The following GRM1 variants were observed in gnomAD, a reference collection of about 807,000 sequenced individuals.
GRM1 encodes metabotropic glutamate receptor 1.
GRM1 carries 33 observed loss-of-function variants against 90.9 expected under a neutral mutation model. The observed-to-expected ratio is 0.36, with a 90% CI of 0.28 to 0.49. GRM1 has a LOEUF of 0.49. Ranked by LOEUF, GRM1 falls within the 20% of genes least tolerant of loss-of-function variation. The pLI, the probability that GRM1 is intolerant of heterozygous loss-of-function variation, is 0.99. For synonymous variants in GRM1, 700 were observed against 613.2 expected (o/e 1.14, Z -2.09); for missense variants, 1,190 against 1,534.3 (o/e 0.78, Z 3.75).
Position 146,357,620 on chromosome 6 carries a change from TA to T in GRM1, c.1529del (p.Tyr510SerfsTer5). ...TGAAGGAGTGCTGAACATTGATGATTACAAAATCCAGATGAACAAGAGTGGA... is the reference window on the plus strand; with the variant it reads ...TGAAGGAGTGCTGAACATTGATGATTCAAAATCCAGATGAACAAGAGTGGA... ...WHEGVLNIDD[Y>X]KIQMNKSGVV... On this transcript the variant is annotated frameshift_variant, in exon 5 of 8. Coordinates refer to ENST00000282753, the MANE Select transcript of GRM1 (RefSeq NM_001278064.2). LOFTEE classifies it high-confidence loss of function. 6.2e-7 allele frequency: 1 copy of T among 1,614,054 alleles called. No homozygotes were observed. Among genetic ancestry groups the T allele is most frequent in the Non-Finnish European group, 8.5e-7 (1 of 1,179,922 alleles).
At chr6:146,213,334 G>C (rs1779744412) in intron 2 of GRM1, among the ~76,000 whole-genome samples, 1 of 152,010 alleles carries the variant, frequency 6.6e-6, no homozygotes, top group Non-Finnish European at 1.5e-5. Flanking sequence ...CCAGATATTA[G>C]AAGAAATTAA....
At chr6:146,230,776 T>C (rs1780423766) in intron 2 of GRM1, among the ~76,000 whole-genome samples, 2 of 152,146 alleles carry the variant, frequency 1.3e-5, no homozygotes, top group South Asian at 4.1e-4. Flanking sequence ...ATGTCTTTTG[T>C]AGTGAATGAA....
At position 146,168,971 on chromosome 6, in the gene GRM1, T is replaced by G. The variant is rs973248505; in HGVS notation, c.950+9374T>G. The stretch of plus-strand genomic sequence containing the variant: ...CTTGGGGCTTATTGAACGTTTTAGA[T>G]TAAGTGTGATCAAATTTGGAAAAAT... On this transcript the variant is annotated intron_variant, in intron 2 of 7. Coordinates refer to ENST00000282753, the MANE Select transcript of GRM1 (RefSeq NM_001278064.2). 1.2e-4 allele frequency among the ~76,000 whole-genome samples: 18 copies of G among 152,240 alleles called. No individual in the cohort carries two copies. The South Asian group carries it at 1.7e-3, about 14-fold the overall frequency.
At chr6:146,215,911 C>T (rs1249418200) in intron 2 of GRM1, among the ~76,000 whole-genome samples, 1 of 152,106 alleles carries the variant, frequency 6.6e-6, no homozygotes, top group Admixed American at 6.5e-5. Flanking sequence ...TGCCTGCCAC[C>T]ATGCCCGGCT....
At chr6:146,246,235 C>T (rs146034643) in intron 2 of GRM1, among the ~76,000 whole-genome samples, 36 of 152,300 alleles carry the variant, frequency 2.4e-4, no homozygotes, top group African/African-American at 5.5e-4. Flanking sequence ...ACAGATGAGT[C>T]TGTACCTACT....
At chr6:146,135,910 C>T (rs1308524227) in intron 1 of GRM1, among the ~76,000 whole-genome samples, 1 of 151,870 alleles carries the variant, frequency 6.6e-6, no homozygotes, top group East Asian at 1.9e-4. Flanking sequence ...ATTAACTATC[C>T]CCACTTTCCC....
intron 1 of GRM1, among the ~76,000 whole-genome samples, chr6:146,137,836 G>A (rs899242893): frequency 8.8e-5 from 13 of 147,618 alleles, no homozygotes; most frequent in African/African-American, 2.9e-4. Flanking sequence ...TATTTCATCA[G>A]TGTTTTATAA....
chr6:146,279,133 A>C (rs1782478353), intron 2 of GRM1, among the ~76,000 whole-genome samples: 1 of 152,196 alleles, frequency 6.6e-6, no homozygotes, highest in African/African-American at 2.4e-5. Context: ...AACTGTCAAC[A>C]TTATTGGCAT....
At chr6:146,385,733 A>T (rs768512425) in intron 5 of GRM1, among the ~76,000 whole-genome samples, 1 of 152,052 alleles carries the variant, frequency 6.6e-6, no homozygotes, top group African/African-American at 2.4e-5. Flanking sequence ...ATAATAATTC[A>T]TTTGGGAAGG....
At chr6:146,403,962 G>A (rs1777243925) in intron 7 of GRM1, among the ~76,000 whole-genome samples, 1 of 151,980 alleles carries the variant, frequency 6.6e-6, no homozygotes, top group Non-Finnish European at 1.5e-5. Context: ...TTAGTGTTGG[G>A]AATATTCAAA....
intron 3 of GRM1, among the ~76,000 whole-genome samples, chr6:146,341,460 A>G (rs1048460554): frequency 6.6e-6 from 1 of 152,344 alleles, no homozygotes; most frequent in East Asian, 1.9e-4. Flanking sequence ...AACATGGAAT[A>G]AGTGTAGACA....
At chr6:146,256,987 A>G (rs1048262960) in intron 2 of GRM1, among the ~76,000 whole-genome samples, 32 of 152,040 alleles carry the variant, frequency 2.1e-4, no homozygotes, top group African/African-American at 7.7e-4. Flanking sequence ...AACAGCACAT[A>G]AGTTTTCTGC....
chr6:146,322,685 TTGG>T (rs1183091916), intron 3 of GRM1, among the ~76,000 whole-genome samples: 1 of 151,972 alleles, frequency 6.6e-6, no homozygotes, highest in Admixed American at 6.6e-5. Flanking sequence ...ATGTGCCATG[TTGG>T]TGTGCTGCAC....
chr6:146,133,436 G>A (rs919231553), intron 1 of GRM1, among the ~76,000 whole-genome samples: 5 of 152,330 alleles, frequency 3.3e-5, no homozygotes, highest in Non-Finnish European at 7.3e-5. Context: ...CAGGGGAAAA[G>A]ATATGGCATA....
At chr6:146,151,223 G>T (rs1324817807) in intron 1 of GRM1, among the ~76,000 whole-genome samples, 1 of 152,156 alleles carries the variant, frequency 6.6e-6, no homozygotes, top group African/African-American at 2.4e-5. Flanking sequence ...GTATAAGATA[G>T]CAGATTCTCC....
At chr6:146,071,312 T>C (rs1193076623) in intron 1 of GRM1, among the ~76,000 whole-genome samples, 1 of 152,194 alleles carries the variant, frequency 6.6e-6, no homozygotes, top group Admixed American at 6.6e-5. Flanking sequence ...ACCCGCGGCC[T>C]GCATATTCTT....
rs568579003 is a variant in GRM1 at position 146,145,122 on chromosome 6, A to G, written c.701-14226A>G. On this transcript the variant is annotated intron_variant, in intron 1 of 7. Transcript: ENST00000282753. ...TAATCCCGAAATTCAGGAAAAAAGG[A>G]ATGATTTAAAAACAAAATACATAAT... Among the ~76,000 whole-genome samples the G allele has an allele frequency of 3.3e-5, 5 of 152,348 alleles. No homozygotes were observed. In the South Asian group the frequency reaches 1.0e-3, roughly 32 times the overall value.
At chr6:146,334,667 C>T (rs1169856467) in intron 3 of GRM1, among the ~76,000 whole-genome samples, 1 of 152,130 alleles carries the variant, frequency 6.6e-6, no homozygotes, top group East Asian at 1.9e-4. Flanking sequence ...TTTCTCCGTA[C>T]GGGCTTCCCA....
chr6:146,149,142 G>A (rs1306769788), intron 1 of GRM1, among the ~76,000 whole-genome samples: 1 of 152,172 alleles, frequency 6.6e-6, no homozygotes, highest in Non-Finnish European at 1.5e-5. Flanking sequence ...GATACAGTGA[G>A]GCATGAGTGT....
Sources: allele counts gnomAD v4.1 joint callset (sites outside exome capture counted in the v4.1 genomes callset), GRCh38; gene constraint gnomAD v4.1.1; transcripts MANE v1.5; gene names NCBI Gene and HGNC (gene_info 2026-07-23, HGNC 2026-07-21).